CACNA2D1: variants seen among roughly 807,000 people sequenced by gnomAD.
CACNA2D1 encodes calcium voltage-gated channel auxiliary subunit alpha2delta 1, also known as voltage-dependent calcium channel subunit alpha-2/delta-1.
In CACNA2D1, 53 loss-of-function variants were observed where a neutral mutation model predicts 171.5. The ratio of observed to expected loss-of-function variants is 0.31; its 90% CI spans 0.25 to 0.39. The LOEUF (loss-of-function observed/expected upper bound fraction) is 0.39, where lower values mean the gene tolerates loss of function less well. Among genes scored for constraint, CACNA2D1 ranks in the 10% least tolerant of loss-of-function variants. The probability of loss-of-function intolerance (pLI) is 1.00; values close to 1 mark genes in which losing one functional copy is unlikely to be tolerated. For synonymous variants in CACNA2D1, 442 were observed against 443.1 expected (o/e 1.00, Z 0.03); for missense variants, 903 against 1,299.8 (o/e 0.69, Z 4.69).
At chr7:82,342,171 C>T (rs1818746982) in intron 2 of CACNA2D1, among the ~76,000 whole-genome samples, 1 of 150,736 alleles carries the variant, frequency 6.6e-6, no homozygotes, top group Non-Finnish European at 1.5e-5. Flanking sequence ...TGGGACACTA[C>T]CTTTGAAATT....
chr7:82,256,051 C>T (rs975486), intron 3 of CACNA2D1, among the ~76,000 whole-genome samples: 3,680 of 152,188 alleles, frequency 0.024, 111 homozygotes, highest in East Asian at 0.1. Flanking sequence ...CCAAGGCAGA[C>T]GGATCACTTG....
intron 1 of CACNA2D1, among the ~76,000 whole-genome samples, chr7:82,374,795 A>AAAAAAG (rs1822826795): frequency 6.6e-6 from 1 of 151,788 alleles, no homozygotes; most frequent in Non-Finnish European, 1.5e-5. Context: ...CCCCCCAAAA[A>AAAAAAG]AAGAAAAAAG....
intron 2 of CACNA2D1, among the ~76,000 whole-genome samples, chr7:82,341,858 T>C (rs978366031): frequency 2.0e-5 from 3 of 149,960 alleles, no homozygotes; most frequent in Non-Finnish European, 4.4e-5. Context: ...CCATCCTGGC[T>C]AACACAGTGA....
chr7:82,005,717 C>T (rs1799051328), intron 17 of CACNA2D1, 48 bp downstream of exon 17: 1 of 1,258,184 alleles, frequency 7.9e-7, no homozygotes, highest in African/African-American at 1.5e-5. Context: ...TAAGTTAGTA[C>T]AGAGTTCTAA....
intron 2 of CACNA2D1, among the ~76,000 whole-genome samples, chr7:82,347,822 T>C (rs1433185889): frequency 6.7e-6 from 1 of 148,186 alleles, no homozygotes; most frequent in Non-Finnish European, 1.5e-5. Flanking sequence ...TTTTCCATTC[T>C]ATTTTGTTAT....
At chr7:82,338,782 G>A (rs1818289319) in intron 2 of CACNA2D1, among the ~76,000 whole-genome samples, 1 of 152,114 alleles carries the variant, frequency 6.6e-6, no homozygotes. Context: ...ATCTTCCTTG[G>A]CTTCAGCAGG....
intron 1 of CACNA2D1, among the ~76,000 whole-genome samples, chr7:82,376,364 C>T (rs1377033816): frequency 6.6e-6 from 1 of 152,178 alleles, no homozygotes; most frequent in East Asian, 1.9e-4. Context: ...GACAACCTAA[C>T]ACTCATGATT....
intron 12 of CACNA2D1, chr7:82,028,612 C>T (rs2131106011): frequency 6.6e-6 from 1 of 151,936 alleles, no homozygotes; most frequent in South Asian, 2.1e-4. Flanking sequence ...CCATTACAAA[C>T]ATTCGTGATT....
At chr7:82,153,261 GCT>G (rs1163169134) in intron 4 of CACNA2D1, among the ~76,000 whole-genome samples, 1 of 151,836 alleles carries the variant, frequency 6.6e-6, no homozygotes, top group Admixed American at 6.6e-5. Context: ...CAGGAGCCTA[GCT>G]CTCTCAGGAA....
rs935011209 is a variant in CACNA2D1, at chr7:82,128,360, C to A, written c.396+8275G>T. ...CAGCCACTGCTTTAGCTAAACCTGG[C>A]TGTATTTATTTTATAGCCACAAGGT... On this transcript the variant is annotated intron_variant, in intron 5 of 38. Transcript: ENST00000356860. Among the ~76,000 whole-genome samples the A allele has an allele frequency of 7.8e-4, 119 of 152,300 alleles. 1 individual carries two copies. The highest frequency in any genetic ancestry group is 2.8e-3 in the African/African-American group (115 of 41,568).
intron 1 of CACNA2D1, among the ~76,000 whole-genome samples, chr7:82,395,690 T>A (rs1244672404): frequency 1.3e-5 from 2 of 152,164 alleles, no homozygotes. Flanking sequence ...CTGAAGGAAG[T>A]TGGACTAACA....
At chr7:82,229,475 G>T (rs1310939505) in intron 3 of CACNA2D1, among the ~76,000 whole-genome samples, 1 of 152,008 alleles carries the variant, frequency 6.6e-6, no homozygotes, top group Admixed American at 6.6e-5. Flanking sequence ...ATCACAGACT[G>T]CCAACTCCCA....
chr7:82,362,561 G>A (rs1821189204), intron 1 of CACNA2D1, among the ~76,000 whole-genome samples: 1 of 152,032 alleles, frequency 6.6e-6, no homozygotes, highest in Non-Finnish European at 1.5e-5. Context: ...CAGTAATGGA[G>A]GAAAAAAGGC....
intron 12 of CACNA2D1, among the ~76,000 whole-genome samples, chr7:82,032,426 T>C (rs1189218761): frequency 6.6e-6 from 1 of 151,708 alleles, no homozygotes; most frequent in African/African-American, 2.4e-5. Flanking sequence ...CTGCAATCTT[T>C]AATAATTAAA....
At chr7:82,151,681 C>T (rs139579109) in intron 4 of CACNA2D1, among the ~76,000 whole-genome samples, 3 of 152,152 alleles carry the variant, frequency 2.0e-5, no homozygotes, top group East Asian at 3.9e-4. Context: ...TGCAGAGAAG[C>T]TGAGCCAATT....
rs1396179999 is a variant in CACNA2D1, at chr7:81,972,771, A to G, written c.2054-907T>C. The stretch of plus-strand genomic sequence containing the variant: ...ATTTACGACAAAATTTGACTTTTTC[A>G]GATAAAGAATATATGTTCTTAACAT... On this transcript the variant is annotated intron_variant, in intron 25 of 38. Coordinates refer to ENST00000356860, the MANE Select transcript of CACNA2D1 (RefSeq NM_000722.4). Among the ~76,000 whole-genome samples the G allele has an allele frequency of 2.0e-5, 3 of 152,138 alleles. No homozygotes were observed. In the East Asian group the frequency reaches 5.8e-4, roughly 29 times the overall value.
chr7:82,156,728 G>T (rs1232577057), intron 4 of CACNA2D1, among the ~76,000 whole-genome samples: 2 of 151,654 alleles, frequency 1.3e-5, no homozygotes, highest in African/African-American at 4.8e-5. Flanking sequence ...TTGTGAACAA[G>T]TAAATTGAAA....
chr7:82,248,761 A>G (rs1805243226), intron 3 of CACNA2D1, among the ~76,000 whole-genome samples: 1 of 152,082 alleles, frequency 6.6e-6, no homozygotes. Flanking sequence ...TTCTTTGGAC[A>G]CAGTGATCAA....
chr7:82,055,402 C>A (rs562929796), intron 10 of CACNA2D1, among the ~76,000 whole-genome samples: 1 of 152,008 alleles, frequency 6.6e-6, no homozygotes, highest in East Asian at 1.9e-4. Flanking sequence ...ACCCAGCCAT[C>A]CCATTACTGG....
Sources: allele counts gnomAD v4.1 joint callset (sites outside exome capture counted in the v4.1 genomes callset), GRCh38; gene constraint gnomAD v4.1.1; transcripts MANE v1.5; gene names NCBI Gene and HGNC (gene_info 2026-07-23, HGNC 2026-07-21).